The following LUZP2 variants were observed in gnomAD, a reference collection of about 807,000 sequenced individuals.
The protein encoded by LUZP2 is leucine zipper protein 2.
Under a neutral mutation model 51.6 loss-of-function variants are expected in LUZP2, and 52 were observed. That is an observed-to-expected ratio of 1.01 (90% CI 0.81 to 1.27). The LOEUF (loss-of-function observed/expected upper bound fraction) is 1.27, where lower values mean the gene tolerates loss of function less well. Among genes scored for constraint, LUZP2 ranks in the 50% most tolerant of loss-of-function variants. The pLI, the probability that LUZP2 is intolerant of heterozygous loss-of-function variation, is 0.00. For missense variants in LUZP2, 436 were observed against 395.4 expected (o/e 1.10, Z -0.87); for synonymous variants, 154 against 137.3 (o/e 1.12, Z -0.85).
chr11:24,709,744 T>C (rs1249295280), intron 1 of LUZP2, among the ~76,000 whole-genome samples: 1 of 152,206 alleles, frequency 6.6e-6, no homozygotes, highest in Non-Finnish European at 1.5e-5. Context: ...TGCACCTTTA[T>C]TCTTTCTGCC....
rs550498784 is a variant in LUZP2 at position 24,791,610 on chromosome 11, T to G, written c.396+28302T>G. Among the ~76,000 whole-genome samples, 5 of 152,242 alleles carry G rather than the reference T, an allele frequency of 3.3e-5. No homozygotes were observed. In the East Asian group the frequency reaches 9.6e-4, roughly 29 times the overall value. On this transcript the variant is annotated intron_variant, in intron 5 of 11. Transcript: ENST00000336930. ...GCAGCTTGTATATTTTATTTTCATC[T>G]CTTCAACATGTTGTATAATTAATAT...
intron 7 of LUZP2, among the ~76,000 whole-genome samples, chr11:24,930,188 A>C (rs927738674): frequency 6.6e-6 from 1 of 152,186 alleles, no homozygotes; most frequent in Non-Finnish European, 1.5e-5. Context: ...GCATTCTGCC[A>C]TTCTATGCCT....
chr11:24,776,304 A>G (rs1229302556), intron 5 of LUZP2, among the ~76,000 whole-genome samples: 1 of 152,146 alleles, frequency 6.6e-6, no homozygotes, highest in Non-Finnish European at 1.5e-5. Flanking sequence ...GGACTAACGG[A>G]AAAATCCCAG....
chr11:24,848,357 A>G (rs568085849), intron 5 of LUZP2, among the ~76,000 whole-genome samples: 4 of 152,180 alleles, frequency 2.6e-5, no homozygotes, highest in Admixed American at 6.6e-5. Context: ...TATCTTCACT[A>G]CATTTATTTG....
chr11:24,632,786 C>G (rs1021654014), intron 1 of LUZP2, among the ~76,000 whole-genome samples: 3 of 151,952 alleles, frequency 2.0e-5, no homozygotes, highest in Admixed American at 1.3e-4. Flanking sequence ...AAATATCACA[C>G]AGAATATAAA....
At chr11:24,946,603 A>G (rs1854908492) in intron 7 of LUZP2, among the ~76,000 whole-genome samples, 1 of 151,922 alleles carries the variant, frequency 6.6e-6, no homozygotes, top group African/African-American at 2.4e-5. Context: ...GAAATCTTAT[A>G]CCTATATAGC....
At chr11:24,810,785 T>C (rs947022231) in intron 5 of LUZP2, among the ~76,000 whole-genome samples, 16 of 152,140 alleles carry the variant, frequency 1.1e-4, no homozygotes, top group African/African-American at 3.9e-4. Flanking sequence ...AAGTAAAGGA[T>C]AAGCCATGAA....
chr11:24,731,843 T>A (rs891801626), intron 2 of LUZP2, among the ~76,000 whole-genome samples: 3 of 151,814 alleles, frequency 2.0e-5, no homozygotes, highest in Admixed American at 6.6e-5. Flanking sequence ...ATATGTTTTT[T>A]ATTCACTTTT....
At chr11:24,962,457 T>C (rs950668641) in intron 7 of LUZP2, among the ~76,000 whole-genome samples, 21 of 152,148 alleles carry the variant, frequency 1.4e-4, no homozygotes, top group Non-Finnish European at 8.8e-5. Flanking sequence ...GGAGGCTTTG[T>C]TCATTTCTTT....
intron 5 of LUZP2, among the ~76,000 whole-genome samples, chr11:24,899,067 T>C (rs959657981): frequency 6.6e-6 from 1 of 152,174 alleles, no homozygotes; most frequent in Non-Finnish European, 1.5e-5. Context: ...GATACAGTGA[T>C]GTAATAAACT....
At chr11:25,000,084 T>A (rs796969037) in intron 9 of LUZP2, among the ~76,000 whole-genome samples, 1 of 75,140 alleles carries the variant, frequency 1.3e-5, no homozygotes, top group East Asian at 9.8e-4. Flanking sequence ...CCGTTTGTAC[T>A]GAGTGCTGAT....
At chr11:24,972,598 A>G (rs1855773354) in intron 7 of LUZP2, among the ~76,000 whole-genome samples, 1 of 152,120 alleles carries the variant, frequency 6.6e-6, no homozygotes, top group East Asian at 1.9e-4. Flanking sequence ...ATTTTTGAGT[A>G]TGTTCCTTCA....
rs563727826 is a variant in LUZP2 at position 24,682,830 on chromosome 11, C to T, written c.63-46339C>T. On this transcript the variant is annotated intron_variant, in intron 1 of 11. Coordinates refer to ENST00000336930, the MANE Select transcript of LUZP2 (RefSeq NM_001009909.4). ...ACCATCCTGGCCAACATGGTGAAAC[C>T]CCATCTCTACTAAAAAGACAAAAAT... Among the ~76,000 whole-genome samples the T allele has an allele frequency of 7.9e-5, 12 of 151,784 alleles. No homozygotes were observed. The South Asian group carries it at 2.5e-3, about 32-fold the overall frequency.
At position 25,060,863 on chromosome 11, in the gene LUZP2, C is replaced by T. The variant is rs374537459; in HGVS notation, c.858+10733C>T. 1.2e-4 allele frequency among the ~76,000 whole-genome samples: 18 copies of T among 152,092 alleles called. No homozygotes were observed. The South Asian group carries it at 1.7e-3, about 14-fold the overall frequency. On this transcript the variant is annotated intron_variant, in intron 10 of 11. Coordinates refer to ENST00000336930, the MANE Select transcript of LUZP2 (RefSeq NM_001009909.4). ...CTCTTCTTTTTTCTATTTCTCCCTC[C>T]GTCTCAGGATAATTTATGTTGTCAT... is the stretch of plus-strand genomic sequence containing the variant.
intron 3 of LUZP2, 89 bp downstream of exon 3, chr11:24,732,277 T>A: frequency 1.1e-6 from 1 of 914,274 alleles, no homozygotes; most frequent in South Asian, 1.6e-5. Flanking sequence ...TCTAAATATA[T>A]GAACCTATTT....
chr11:24,628,595 C>G (rs1056589052), intron 1 of LUZP2, among the ~76,000 whole-genome samples: 4 of 152,194 alleles, frequency 2.6e-5, no homozygotes, highest in South Asian at 2.1e-4. Flanking sequence ...GAGTCTCGCT[C>G]TCTCCCAGGC....
chr11:24,703,041 T>A (rs1857463571), intron 1 of LUZP2, among the ~76,000 whole-genome samples: 1 of 152,150 alleles, frequency 6.6e-6, no homozygotes, highest in African/African-American at 2.4e-5. Context: ...CAGAGGAGAC[T>A]GAAAGATGGA....
intron 1 of LUZP2, among the ~76,000 whole-genome samples, chr11:24,631,402 TTTTTTC>T (rs1436617512): frequency 6.6e-6 from 1 of 151,788 alleles, no homozygotes; most frequent in Admixed American, 6.6e-5. Flanking sequence ...TATTGTTTTT[TTTTTTC>T]TTTTCTTTTC....
At chr11:25,043,327 A>G (rs1392510105) in intron 9 of LUZP2, among the ~76,000 whole-genome samples, 2 of 152,066 alleles carry the variant, frequency 1.3e-5, no homozygotes, top group Non-Finnish European at 2.9e-5. Context: ...CATTTAGCCC[A>G]GTACAGTGGT....
Sources: allele counts gnomAD v4.1 joint callset (sites outside exome capture counted in the v4.1 genomes callset), GRCh38; gene constraint gnomAD v4.1.1; transcripts MANE v1.5; gene names NCBI Gene and HGNC (gene_info 2026-07-23, HGNC 2026-07-21).